The following DYNC1I1 variants were observed in gnomAD, a reference collection of about 807,000 sequenced individuals.
DYNC1I1 encodes the protein cytoplasmic dynein 1 intermediate chain 1.
Under a neutral mutation model 86.6 loss-of-function variants are expected in DYNC1I1, and 43 were observed. The ratio of observed to expected loss-of-function variants is 0.50; its 90% CI spans 0.39 to 0.64. DYNC1I1 has a LOEUF of 0.64. Among genes scored for constraint, DYNC1I1 ranks in the 30% least tolerant of loss-of-function variants. The pLI, the probability that DYNC1I1 is intolerant of heterozygous loss-of-function variation, is 0.00. For missense variants in DYNC1I1, 604 were observed against 788.8 expected (o/e 0.77, Z 2.81); for synonymous variants, 262 against 283.7 (o/e 0.92, Z 0.77).
intron 6 of DYNC1I1, among the ~76,000 whole-genome samples, chr7:95,954,428 T>A (rs1046337557): frequency 2.6e-5 from 4 of 151,948 alleles, no homozygotes; most frequent in African/African-American, 9.7e-5. Flanking sequence ...GCATTTCCAT[T>A]GACACAGAAA....
At chr7:95,839,265 G>T (rs759311464) in intron 5 of DYNC1I1, among the ~76,000 whole-genome samples, 1 of 151,996 alleles carries the variant, frequency 6.6e-6, no homozygotes, top group Non-Finnish European at 1.5e-5. Context: ...TCCTGACCTC[G>T]GGTGATCCAC....
chr7:95,856,442 G>T (rs1789726312), intron 5 of DYNC1I1, among the ~76,000 whole-genome samples: 1 of 152,100 alleles, frequency 6.6e-6, no homozygotes, highest in Non-Finnish European at 1.5e-5. Context: ...ACATTCGCTT[G>T]TAAGCAGATA....
rs149044842 is a variant in DYNC1I1, at chr7:96,030,017, G to A, written c.1116+1696G>A. ...TGTTGTTGTTTTGGTTTTTTTCAGG[G>A]GGATTTTGTTTGTTTGTTTTCTCTA... On this transcript the variant is annotated intron_variant, in intron 11 of 16. Coordinates refer to ENST00000447467, the MANE Select transcript of DYNC1I1 (RefSeq NM_001135556.2). Among the ~76,000 whole-genome samples, 454 of 151,450 alleles carry A rather than the reference G, an allele frequency of 3.0e-3. 4 individuals are homozygous for A. Among genetic ancestry groups the A allele is most frequent in the African/African-American group, 0.01 (427 of 41,196 alleles).
chr7:96,093,597 C>T (rs1790912149), intron 16 of DYNC1I1, among the ~76,000 whole-genome samples: 1 of 152,148 alleles, frequency 6.6e-6, no homozygotes, highest in Non-Finnish European at 1.5e-5. Flanking sequence ...AGAAAACAGT[C>T]ATTGAATCAG....
At chr7:96,102,901 A>G (rs1791156060), downstream of DYNC1I1, among the ~76,000 whole-genome samples, 1 of 152,224 alleles carries the variant, frequency 6.6e-6, no homozygotes, top group African/African-American at 2.4e-5. Context: ...ATATAAACTT[A>G]ACTACACATC....
chr7:95,935,752 G>GT (rs1348162554), intron 6 of DYNC1I1, among the ~76,000 whole-genome samples: 2 of 151,836 alleles, frequency 1.3e-5, no homozygotes, highest in African/African-American at 2.4e-5. Flanking sequence ...CAACTCAAAA[G>GT]TTTTTTTAAA....
chr7:95,937,002 G>T (rs2116429461), intron 6 of DYNC1I1, among the ~76,000 whole-genome samples: 1 of 72,336 alleles, frequency 1.4e-5, no homozygotes, highest in South Asian at 4.3e-4. Flanking sequence ...ATACTATTCA[G>T]CAATTACAAA....
chr7:95,839,748 A>G (rs1789227079), intron 5 of DYNC1I1, among the ~76,000 whole-genome samples: 1 of 152,134 alleles, frequency 6.6e-6, no homozygotes, highest in East Asian at 1.9e-4. Flanking sequence ...TTTGTATGTC[A>G]GAACTAGTGA....
At chr7:95,942,551 T>C (rs1316938627) in intron 6 of DYNC1I1, among the ~76,000 whole-genome samples, 5 of 152,004 alleles carry the variant, frequency 3.3e-5, no homozygotes, top group Admixed American at 1.3e-4. Flanking sequence ...ATACCAAAGC[T>C]TGGCAGAGAC....
At chr7:95,834,575 A>C (rs1249393790) in intron 5 of DYNC1I1, among the ~76,000 whole-genome samples, 1 of 138,620 alleles carries the variant, frequency 7.2e-6, no homozygotes, top group Non-Finnish European at 1.5e-5. Context: ...CCTCTGGTAG[A>C]ATTGGGCTGT....
chr7:96,031,472 A>T (rs920060531), intron 11 of DYNC1I1, among the ~76,000 whole-genome samples: 1 of 152,122 alleles, frequency 6.6e-6, no homozygotes, highest in Admixed American at 6.5e-5. Flanking sequence ...CTTTATCCCC[A>T]TTAGTGGAAG....
intron 13 of DYNC1I1, among the ~76,000 whole-genome samples, chr7:96,036,423 T>C (rs540230304): frequency 3.9e-5 from 6 of 152,310 alleles, no homozygotes; most frequent in African/African-American, 1.4e-4. Context: ...TAGTTTAGGA[T>C]GGTAAGTGCA....
intron 11 of DYNC1I1, among the ~76,000 whole-genome samples, chr7:96,030,844 G>A (rs1180709780): frequency 6.6e-6 from 1 of 152,040 alleles, no homozygotes; most frequent in Non-Finnish European, 1.5e-5. Flanking sequence ...ACATACACCA[G>A]AGACTTGGGA....
chr7:96,018,242 C>T (rs1465336706), intron 10 of DYNC1I1, among the ~76,000 whole-genome samples: 5 of 152,142 alleles, frequency 3.3e-5, no homozygotes, highest in Non-Finnish European at 7.3e-5. Context: ...AGTGCTCAGG[C>T]GGGACCCATG....
At chr7:95,950,879 G>A (rs1327680801) in intron 6 of DYNC1I1, among the ~76,000 whole-genome samples, 2 of 152,132 alleles carry the variant, frequency 1.3e-5, no homozygotes, top group East Asian at 3.9e-4. Flanking sequence ...ATAAAGTTAT[G>A]AATCACCTCT....
intron 7 of DYNC1I1, among the ~76,000 whole-genome samples, chr7:95,979,233 A>C (rs1793391776): frequency 6.6e-6 from 1 of 152,212 alleles, no homozygotes; most frequent in Admixed American, 6.5e-5. Context: ...GTAATGAAAA[A>C]GCATAGCCTC....
intron 5 of DYNC1I1, among the ~76,000 whole-genome samples, chr7:95,853,894 A>G (rs1368584053): frequency 6.6e-6 from 1 of 152,142 alleles, no homozygotes; most frequent in African/African-American, 2.4e-5. Context: ...CTTTATCCTC[A>G]TATGATGACC....
rs555665140 is a variant in DYNC1I1, at chr7:95,799,356, G to A, written c.-9-5365G>A. ...ATCGGGCCACTGCACTGCAGCCTGG[G>A]TGACAGAGCAAGACTCTGTCCCAGA... On this transcript the variant is annotated intron_variant, in intron 1 of 16. Transcript: ENST00000447467. Among the ~76,000 whole-genome samples, 4 of 152,244 alleles carry A rather than the reference G, an allele frequency of 2.6e-5. No homozygotes were observed. In the South Asian group the frequency reaches 8.3e-4, roughly 32 times the overall value.
intron 6 of DYNC1I1, among the ~76,000 whole-genome samples, chr7:95,905,074 G>T (rs1791139234): frequency 6.6e-6 from 1 of 152,106 alleles, no homozygotes; most frequent in Non-Finnish European, 1.5e-5. Flanking sequence ...AAGCAAGTGG[G>T]TCAATTTATT....
Sources: allele counts gnomAD v4.1 joint callset (sites outside exome capture counted in the v4.1 genomes callset), GRCh38; gene constraint gnomAD v4.1.1; transcripts MANE v1.5; gene names NCBI Gene and HGNC (gene_info 2026-07-23, HGNC 2026-07-21).